STT3B: variants seen among roughly 807,000 people sequenced by gnomAD.
STT3B encodes the protein STT3 oligosaccharyltransferase complex catalytic subunit B, also known as dolichyl-diphosphooligosaccharide--protein glycosyltransferase subunit STT3B.
STT3B carries 29 observed loss-of-function variants against 96.8 expected under a neutral mutation model. The ratio of observed to expected loss-of-function variants is 0.30; its 90% CI spans 0.22 to 0.41. STT3B has a LOEUF of 0.41. Ranked by LOEUF, STT3B falls within the 10% of genes least tolerant of loss-of-function variation. The pLI, the probability that STT3B is intolerant of heterozygous loss-of-function variation, is 1.00. For missense variants in STT3B, 640 were observed against 1,022.3 expected (o/e 0.63, Z 5.10); for synonymous variants, 367 against 360.0 (o/e 1.02, Z -0.22).
intron 4 of STT3B, 57 bp from the exon 5 acceptor site, chr3:31,600,303 T>A: frequency 1.3e-6 from 1 of 748,178 alleles, no homozygotes; most frequent in Admixed American, 2.6e-5. Flanking sequence ...GATTCCTAAA[T>A]ATACTTATTT....
chr3:31,573,771 T>A (rs1698207944), intron 1 of STT3B, among the ~76,000 whole-genome samples: 1 of 152,078 alleles, frequency 6.6e-6, no homozygotes, highest in Admixed American at 6.6e-5. Context: ...GGAGATGATA[T>A]TAGTGAATTG....
intron 1 of STT3B, among the ~76,000 whole-genome samples, chr3:31,547,569 C>A (rs1370383455): frequency 6.6e-6 from 1 of 152,106 alleles, no homozygotes; most frequent in African/African-American, 2.4e-5. Flanking sequence ...TTGCATGAAC[C>A]CTGGAGGCGG....
chr3:31,563,788 T>C (rs1366207163), intron 1 of STT3B, among the ~76,000 whole-genome samples: 1 of 152,122 alleles, frequency 6.6e-6, no homozygotes, highest in African/African-American at 2.4e-5. Context: ...AATTGGTAAT[T>C]GTGGAAATTA....
At chr3:31,533,407 C>T (rs1696994662) in intron 1 of STT3B, 95 bp downstream of exon 1, 1 of 1,287,800 alleles carries the variant, frequency 7.8e-7, no homozygotes, top group South Asian at 2.2e-5. Flanking sequence ...TGGCCCCGCG[C>T]CGCCGCGGAG....
At chr3:31,566,643 C>G (rs1176023610) in intron 1 of STT3B, among the ~76,000 whole-genome samples, 1 of 152,094 alleles carries the variant, frequency 6.6e-6, no homozygotes, top group Non-Finnish European at 1.5e-5. Context: ...CTGGTTACCC[C>G]CATCCTTAAA....
intron 13 of STT3B, among the ~76,000 whole-genome samples, chr3:31,628,177 T>C (rs985492178): frequency 4.2e-5 from 5 of 117,802 alleles, no homozygotes; most frequent in African/African-American, 1.6e-4. Context: ...CAAAACATGG[T>C]GTACACCATA....
rs759276512 is a variant in STT3B at position 31,629,372 on chromosome 3, T to C, written c.2148T>C (p.Leu716=). 1 of 1,609,122 alleles carries C rather than the reference T, an allele frequency of 6.2e-7. No individual in the cohort carries two copies. Among genetic ancestry groups the C allele is most frequent in the Admixed American group, 1.7e-5 (1 of 59,546 alleles). ...GATCCCCTACTTTGTTGAATTGCCT[T>C]ATGTATAAAATGTCATACTACAGAT... The part of the protein sequence containing the change: ...KAGSPTLLNC[L]MYKMSYYRFG... The change falls in exon 14 of 16, where the codon CTT becomes CTC. Residue 716 remains leucine (L), a synonymous_variant. Coordinates refer to ENST00000295770, the MANE Select transcript of STT3B (RefSeq NM_178862.3).
intron 6 of STT3B, among the ~76,000 whole-genome samples, chr3:31,616,250 C>T (rs1486303360): frequency 1.3e-5 from 2 of 151,818 alleles, no homozygotes; most frequent in Admixed American, 1.3e-4. Context: ...TCTGTGTCTT[C>T]ATCTTTTCCT....
At chr3:31,591,463 T>C (rs573761840) in intron 3 of STT3B, among the ~76,000 whole-genome samples, 1 of 152,282 alleles carries the variant, frequency 6.6e-6, no homozygotes, top group Non-Finnish European at 1.5e-5. Context: ...TTTACTGTCC[T>C]CTTTTGTGTT....
At chr3:31,607,034 A>C (rs1316783635) in intron 5 of STT3B, among the ~76,000 whole-genome samples, 2 of 152,152 alleles carry the variant, frequency 1.3e-5, no homozygotes, top group African/African-American at 4.8e-5. Context: ...TTGGACTTGC[A>C]TGGGACCTTC....
chr3:31,559,018 T>A (rs979571730), intron 1 of STT3B, among the ~76,000 whole-genome samples: 1 of 151,748 alleles, frequency 6.6e-6, no homozygotes, highest in African/African-American at 2.4e-5. Context: ...TGTCTTTGTT[T>A]TCATTTCTGA....
At chr3:31,577,802 G>A (rs1698294706) in intron 2 of STT3B, among the ~76,000 whole-genome samples, 4 of 152,084 alleles carry the variant, frequency 2.6e-5, no homozygotes, top group Admixed American at 2.6e-4. Flanking sequence ...ACGGCAGATA[G>A]CTATTATCTG....
rs1575450912 is a variant in STT3B at position 31,632,914 on chromosome 3, A to G, written c.2188-21A>G. Reference sequence around the variant, plus strand: ...TGTTTTCCAATATGGTTAACACCCAATAATAATGTCACTTTTGCAGCTGGA... The same window carrying G: ...TGTTTTCCAATATGGTTAACACCCAGTAATAATGTCACTTTTGCAGCTGGA... On this transcript the variant is annotated intron_variant, in intron 14 of 15. Transcript: ENST00000295770. 3.7e-6 allele frequency: 6 copies of G among 1,609,450 alleles called. No homozygotes were observed. The East Asian group carries it at 8.9e-5, about 24-fold the overall frequency.
At chr3:31,619,917 GT>G (rs1045265643) in intron 9 of STT3B, 87 bp downstream of exon 9, 1 of 1,517,590 alleles carries the variant, frequency 6.6e-7, no homozygotes, top group African/African-American at 1.4e-5. Flanking sequence ...GTTTTTCTAT[GT>G]TTGACTCTAT....
At chr3:31,627,050 CA>C (rs1448278654) in intron 13 of STT3B, among the ~76,000 whole-genome samples, 1 of 152,142 alleles carries the variant, frequency 6.6e-6, no homozygotes, top group Non-Finnish European at 1.5e-5. Context: ...GCCCCCTCTC[CA>C]AAAGCCCTTT....
At chr3:31,599,565 C>T (rs1001504106) in intron 4 of STT3B, among the ~76,000 whole-genome samples, 1 of 152,126 alleles carries the variant, frequency 6.6e-6, no homozygotes, top group Non-Finnish European at 1.5e-5. Context: ...AATAGATATG[C>T]TAGCATATAG....
chr3:31,541,394 A>G (rs1020686591), intron 1 of STT3B, among the ~76,000 whole-genome samples: 6 of 152,014 alleles, frequency 3.9e-5, no homozygotes, highest in African/African-American at 1.4e-4. Flanking sequence ...ATTGCTAAAC[A>G]ATACAATTTA....
intron 3 of STT3B, among the ~76,000 whole-genome samples, chr3:31,588,396 C>G (rs997414489): frequency 3.3e-5 from 5 of 151,834 alleles, no homozygotes; most frequent in African/African-American, 1.2e-4. Flanking sequence ...AACAGAGGAC[C>G]TCATAATTTG....
At chr3:31,620,073 G>A (rs971150336) in intron 9 of STT3B, 44 of 832,426 alleles carry the variant, frequency 5.3e-5, no homozygotes, top group Middle Eastern at 4.5e-4. Context: ...TCAGGAGTTC[G>A]AGACCAGCCT....
Sources: allele counts gnomAD v4.1 joint callset (sites outside exome capture counted in the v4.1 genomes callset), GRCh38; gene constraint gnomAD v4.1.1; transcripts MANE v1.5; gene names NCBI Gene and HGNC (gene_info 2026-07-23, HGNC 2026-07-21).